CHCT1: variants seen among roughly 807,000 people sequenced by gnomAD.
The protein encoded by CHCT1 is CHD1 helical C-terminal domain containing protein 1.
At chr17:60,429,951 A>G in the CHCT1 span, among the ~76,000 whole-genome samples, 1 of 151,758 alleles carries the variant, frequency 6.6e-6, no homozygotes, top group Non-Finnish European at 1.5e-5. Flanking sequence ...CAGCATCCCC[A>G]GTAGCTGGGA....
At chr17:60,421,586 G>C in the CHCT1 span, 1 of 984,800 alleles carries the variant, frequency 1.0e-6, no homozygotes, top group Non-Finnish European at 1.2e-6. Context: ...CTCGAGTGAG[G>C]AAACTGCGGG....
the CHCT1 span, chr17:60,421,825 A>C: frequency 1.0e-6 from 1 of 982,876 alleles, no homozygotes; most frequent in Admixed American, 6.2e-5. Context: ...TTTCGCCGAC[A>C]CCCGGCTCCC....
At chr17:60,426,878 T>C in the CHCT1 span, 1 of 1,543,162 alleles carries the variant, frequency 6.5e-7, no homozygotes. Context: ...TCCTTAGACT[T>C]GCGGGGAGGC....
the CHCT1 span, chr17:60,422,403 C>A: frequency 4.2e-6 from 6 of 1,422,312 alleles, no homozygotes; most frequent in Non-Finnish European, 5.6e-6. Context: ...GCTGCAGCCA[C>A]CCCTAAGAAT....
At chr17:60,421,424 G>A in the CHCT1 span, 1 of 985,688 alleles carries the variant, frequency 1.0e-6, no homozygotes, top group East Asian at 1.1e-4. Flanking sequence ...TGGGTGGCAG[G>A]GGAGGCCCGG....
the CHCT1 span, among the ~76,000 whole-genome samples, chr17:60,422,069 C>T: frequency 1.3e-5 from 2 of 152,122 alleles, no homozygotes; most frequent in Non-Finnish European, 2.9e-5. Flanking sequence ...TCCTGGAGGC[C>T]GCAGGGGCAG....
chr17:60,423,579 C>T, the CHCT1 span, among the ~76,000 whole-genome samples: 4 of 151,976 alleles, frequency 2.6e-5, no homozygotes, highest in Admixed American at 2.6e-4. Context: ...TTCTCCTGCC[C>T]CAGCCTCCCA....
chr17:60,426,639 G>A, the CHCT1 span: 3 of 1,536,706 alleles, frequency 2.0e-6, no homozygotes, highest in Non-Finnish European at 1.8e-6. Context: ...CCCCTGGGTG[G>A]GTCCTGACCC....
At chr17:60,429,331 C>T in the CHCT1 span, 5 of 1,596,400 alleles carry the variant, frequency 3.1e-6, no homozygotes, top group Non-Finnish European at 4.3e-6. Context: ...CTCTTCTCAA[C>T]ACTCTCCTTA....
chr17:60,422,592 G>T, the CHCT1 span: 1 of 1,550,396 alleles, frequency 6.4e-7, no homozygotes, highest in South Asian at 1.2e-5. Context: ...CACCTGCTGA[G>T]ATGGAGGCCT....
At chr17:60,428,177 T>C in the CHCT1 span, among the ~76,000 whole-genome samples, 1 of 152,142 alleles carries the variant, frequency 6.6e-6, no homozygotes, top group Admixed American at 6.5e-5. Context: ...TAAGTGGTAA[T>C]TAGGTTTATT....
At chr17:60,425,665 A>G in the CHCT1 span, 2 of 686,824 alleles carry the variant, frequency 2.9e-6, no homozygotes, top group South Asian at 1.8e-5. Flanking sequence ...TGCTGGGTCA[A>G]GAAGGTCTGA....
At chr17:60,431,135 C>T in the CHCT1 span, 3 of 1,344,834 alleles carry the variant, frequency 2.2e-6, no homozygotes, top group African/African-American at 3.1e-5. Flanking sequence ...GAGATTCTTA[C>T]TATTTGTGAT....
the CHCT1 span, among the ~76,000 whole-genome samples, chr17:60,424,866 A>G: frequency 1.3e-5 from 2 of 151,972 alleles, no homozygotes; most frequent in Non-Finnish European, 2.9e-5. Context: ...GAGTGAATAA[A>G]AAAAAAAAGG....
At chr17:60,426,272 G>C in the CHCT1 span, 1 of 1,551,698 alleles carries the variant, frequency 6.4e-7, no homozygotes, top group South Asian at 1.2e-5. Flanking sequence ...TGTGGTCCTA[G>C]GGGACCACAT....
chr17:60,426,503 AC>A, the CHCT1 span: 1 of 1,043,328 alleles, frequency 9.6e-7, no homozygotes, highest in Non-Finnish European at 1.4e-6. Flanking sequence ...CCCTGACTGC[AC>A]CTTGTCTCTG....
At chr17:60,422,713 T>G in the CHCT1 span, 1 of 1,439,576 alleles carries the variant, frequency 6.9e-7, no homozygotes. Context: ...GTAGAGAACA[T>G]GAAATTCAGG....
the CHCT1 span, chr17:60,426,371 A>G: frequency 6.6e-7 from 1 of 1,511,402 alleles, no homozygotes; most frequent in Non-Finnish European, 8.9e-7. Context: ...CCCCATACCT[A>G]CTCCTGGGCA....
chr17:60,425,330 C>A, the CHCT1 span, among the ~76,000 whole-genome samples: 2 of 152,292 alleles, frequency 1.3e-5, no homozygotes, highest in South Asian at 2.1e-4. Context: ...CACAGGTGCA[C>A]GCCACCATGC....
Sources: gnomAD v4.1 joint callset for allele counts (sites outside exome capture counted in the v4.1 genomes callset) on GRCh38, gnomAD v4.1.1 for gene constraint, MANE v1.5 for transcripts, NCBI Gene and HGNC (gene_info 2026-07-23, HGNC 2026-07-21) for gene names.